Variants in GNS observed in about 807,000 individuals in gnomAD.
The protein encoded by GNS is N-acetylglucosamine-6-sulfatase.
A neutral mutation model predicts 69.7 loss-of-function variants in GNS; 40 were observed. The observed-to-expected ratio is 0.57, with a 90% CI of 0.45 to 0.75. The LOEUF is 0.75. Ranked by LOEUF, GNS falls within the 30% of genes least tolerant of loss-of-function variation. The pLI is 0.00. For synonymous variants in GNS, 243 were observed against 251.6 expected, an observed-to-expected ratio of 0.97 and a Z score of 0.32; for missense variants, 565 against 685.5, an observed-to-expected ratio of 0.82 and a Z score of 1.96.
intron 10 of GNS, among the ~76,000 whole-genome samples, chr12:64,723,690 G>C (rs1190560348): frequency 6.6e-6 from 1 of 152,210 alleles, no homozygotes; most frequent in African/African-American, 2.4e-5. Context: ...GCAAGTTTAA[G>C]ACACAAATGG....
intron 9 of GNS, among the ~76,000 whole-genome samples, chr12:64,732,169 G>GTTTTTTTT (rs71093000): frequency 1.0e-5 from 1 of 96,338 alleles, no homozygotes; most frequent in Non-Finnish European, 1.9e-5. Flanking sequence ...TTTTTTTGTT[G>GTTTTTTTT]TTTTTTTTTT....
Position 64,716,797 on chromosome 12 carries a change from T to A in GNS, c.1603A>T (p.Met535Leu). Reference protein sequence around the residue: ...DPGYRFDPRLMFSNRGSVRTR... With the variant: ...DPGYRFDPRLLFSNRGSVRTR... The stretch of plus-strand genomic sequence containing the variant: ...CTGACACTGCCGCGATTGCTGAACA[T>A]GAGACGGGGGTCAAACCTGTATCTG... Residue 535 changes from methionine to leucine, a missense_variant, in exon 14 of 14, where the codon ATG becomes TTG. Physicochemically the swap from Met to Leu is conservative, Grantham distance 15. Around this residue, in one of 2 missense-constraint regions of GNS, gnomAD observed 384 missense variants for 511.0 expected, o/e 0.75. Coordinates refer to ENST00000258145, the MANE Select transcript of GNS (RefSeq NM_002076.4). 1 of 1,612,998 alleles carries A rather than the reference T, an allele frequency of 6.2e-7. No individual in the cohort carries two copies. The highest frequency in any genetic ancestry group is 8.5e-7 in the Non-Finnish European group (1 of 1,178,944).
chr12:64,736,537 C>T (rs1869561735), intron 9 of GNS, among the ~76,000 whole-genome samples: 1 of 152,220 alleles, frequency 6.6e-6, no homozygotes, highest in South Asian at 2.1e-4. Flanking sequence ...CTCTGCTCTA[C>T]AAGGCAGTGG....
chr12:64,741,068 G>A (rs528317276), intron 6 of GNS, among the ~76,000 whole-genome samples: 8 of 139,400 alleles, frequency 5.7e-5, no homozygotes, highest in Non-Finnish European at 1.1e-4. Flanking sequence ...CAAATAGGGC[G>A]TAGTGGCGGG....
At chr12:64,746,587 G>C (rs545333061) in intron 3 of GNS, among the ~76,000 whole-genome samples, 1 of 152,306 alleles carries the variant, frequency 6.6e-6, no homozygotes, top group South Asian at 2.1e-4. Context: ...CGATTTATCT[G>C]ATGAGATGAA....
intron 9 of GNS, among the ~76,000 whole-genome samples, chr12:64,733,375 T>A (rs1291964489): frequency 6.6e-6 from 1 of 151,596 alleles, no homozygotes; most frequent in African/African-American, 2.4e-5. Context: ...ACCTGCTTAT[T>A]CTTGCTCTGA....
intron 5 of GNS, 85 bp from the exon 6 acceptor site, chr12:64,743,393 T>C: frequency 1.1e-6 from 1 of 914,498 alleles, no homozygotes; most frequent in Non-Finnish European, 1.8e-6. Flanking sequence ...GAGCAGACAG[T>C]ACAGGGTCTT....
intron 2 of GNS, among the ~76,000 whole-genome samples, chr12:64,750,850 T>C (rs148164150): frequency 5.9e-5 from 9 of 152,254 alleles, no homozygotes; most frequent in African/African-American, 1.9e-4. Flanking sequence ...AGTTCAAGTC[T>C]TCAGTGAGCT....
Position 64,728,942 on chromosome 12 carries a change from G to A in GNS, c.1200+14C>T, listed in dbSNP as rs1384237314. The A allele has an allele frequency of 8.2e-7, 1 of 1,218,200 alleles. No homozygotes were observed. The highest frequency in any genetic ancestry group is 1.7e-5 in the Admixed American group (1 of 59,558). The allele number at this position is 1,218,200 out of a possible 1,614,324, so 75.5% of individuals were successfully genotyped here. A position where few individuals can be genotyped will look rare whatever the true frequency, so the allele number is the denominator to read the frequency against. On this transcript the variant is annotated intron_variant, in intron 10 of 13. Transcript: ENST00000258145. ...CGGTCTTGGCTCAGGCCTGATTGAG[G>A]GCGCTATACTTACCAAAATGGGCAA...
At chr12:64,746,749 C>G (rs1869909441) in intron 3 of GNS, among the ~76,000 whole-genome samples, 1 of 152,198 alleles carries the variant, frequency 6.6e-6, no homozygotes, top group African/African-American at 2.4e-5. Flanking sequence ...TTCAAATATG[C>G]AAAGTAGTGT....
intron 3 of GNS, 92 bp downstream of exon 3, chr12:64,747,620 C>T: frequency 1.3e-6 from 1 of 798,192 alleles, no homozygotes; most frequent in East Asian, 2.7e-5. Context: ...ACCAAGAAAT[C>T]CTTTAACATT....
At chr12:64,721,524 G>A in intron 12 of GNS, 71 bp downstream of exon 12, 1 of 804,358 alleles carries the variant, frequency 1.2e-6, no homozygotes, top group Non-Finnish European at 2.3e-6. Context: ...TTGCTCTTAT[G>A]CCACCAAGTC....
intron 10 of GNS, among the ~76,000 whole-genome samples, chr12:64,724,735 C>T (rs901777690): frequency 2.6e-5 from 4 of 152,198 alleles, no homozygotes; most frequent in African/African-American, 7.2e-5. Flanking sequence ...GTGGCACACA[C>T]CTGTGGTCCC....
intron 1 of GNS, among the ~76,000 whole-genome samples, chr12:64,757,536 G>A (rs1211091047): frequency 6.6e-6 from 1 of 152,196 alleles, no homozygotes; most frequent in East Asian, 1.9e-4. Flanking sequence ...ACATGGCTTG[G>A]TAGAAACTAA....
chr12:64,727,393 C>A (rs1592495239), intron 10 of GNS, among the ~76,000 whole-genome samples: 1 of 151,354 alleles, frequency 6.6e-6, no homozygotes, highest in East Asian at 1.9e-4. Context: ...CTGTGATTGG[C>A]AACACTGCAC....
chr12:64,716,898 G>A (rs1271654604), intron 13 of GNS, 79 bp from the exon 14 acceptor site: 1 of 914,008 alleles, frequency 1.1e-6, no homozygotes, highest in Non-Finnish European at 1.8e-6. Flanking sequence ...AAGGATAGCA[G>A]GAAGGGGTGT....
rs1202797875 is a variant in GNS at position 64,757,721 on chromosome 12, C to T, written c.192+1364G>A. ...ACCTTTATCAAGTGTAACACACACACTCACACACATGGACCTTTTCTATTC... is the reference window on the plus strand; with the variant it reads ...ACCTTTATCAAGTGTAACACACACATTCACACACATGGACCTTTTCTATTC... On this transcript the variant is annotated intron_variant, in intron 1 of 13. Coordinates refer to ENST00000258145, the MANE Select transcript of GNS (RefSeq NM_002076.4). Among the ~76,000 whole-genome samples the T allele has an allele frequency of 2.0e-5, 3 of 152,280 alleles. No homozygotes were observed. The East Asian group carries it at 5.8e-4, about 29-fold the overall frequency.
chr12:64,724,581 G>C (rs569699942), intron 10 of GNS, among the ~76,000 whole-genome samples: 1 of 152,332 alleles, frequency 6.6e-6, no homozygotes, highest in African/African-American at 2.4e-5. Context: ...ATGCTGGCTG[G>C]GCACGGTGGC....
intron 12 of GNS, 69 bp downstream of exon 12, chr12:64,721,526 C>T: frequency 1.2e-6 from 1 of 811,838 alleles, no homozygotes; most frequent in Non-Finnish European, 2.2e-6. Context: ...GCTCTTATGC[C>T]ACCAAGTCCA....
Sources: allele counts gnomAD v4.1 joint callset (sites outside exome capture counted in the v4.1 genomes callset), GRCh38; gene constraint gnomAD v4.1.1; regional missense constraint gnomAD v4.1.1; transcripts MANE v1.5; gene names NCBI Gene and HGNC (gene_info 2026-07-23, HGNC 2026-07-21).